ANKRD28: variants seen among roughly 807,000 people sequenced by gnomAD.
The protein encoded by ANKRD28 is serine/threonine-protein phosphatase 6 regulatory ankyrin repeat subunit A.
Under a neutral mutation model 126.5 loss-of-function variants are expected in ANKRD28, and 44 were observed. The observed-to-expected ratio is 0.35, with a 90% CI of 0.27 to 0.45. The LOEUF is 0.45. ANKRD28 is among the 20% of genes least tolerant of loss of function. The probability of loss-of-function intolerance (pLI) is 1.00; values close to 1 mark genes in which losing one functional copy is unlikely to be tolerated. For missense variants in ANKRD28, 1,110 were observed against 1,316.6 expected, an observed-to-expected ratio of 0.84 and a Z score of 2.43; for synonymous variants, 442 against 468.5, an observed-to-expected ratio of 0.94 and a Z score of 0.73.
chr3:15,766,492 C>T (rs1001768343), intron 2 of ANKRD28, among the ~76,000 whole-genome samples, 180 bp from the exon 3 acceptor site: 2 of 151,968 alleles, frequency 1.3e-5, no homozygotes, highest in Non-Finnish European at 2.9e-5. Context: ...GTGACAAGCC[C>T]GGGCAACACA....
intron 7 of ANKRD28, among the ~76,000 whole-genome samples, chr3:15,721,996 C>G (rs1021215510): frequency 6.6e-6 from 1 of 152,142 alleles, no homozygotes; most frequent in South Asian, 2.1e-4. Flanking sequence ...CCACCGGCCT[C>G]GGCCTCCCAA....
At position 15,845,563 on chromosome 3, in the gene ANKRD28, A is replaced by G. The variant is rs1248253165; in HGVS notation, c.27+13814T>C. 1.3e-5 allele frequency among the ~76,000 whole-genome samples: 2 copies of G among 152,176 alleles called. No individual in the cohort carries two copies. Among genetic ancestry groups the G allele is most frequent in the African/African-American group, 4.8e-5 (2 of 41,426 alleles). ...TTATTAGATCTACTTGACTAATACC[A>G]CACTTGCTATTCTATCTGGTTTCAA... On this transcript the variant is annotated intron_variant, in intron 1 of 27. Coordinates refer to the ANKRD28 transcript ENST00000399451. The surrounding 1 kb of genome is among the most constrained non-coding windows in gnomAD (Gnocchi z 4.9).
intron 1 of ANKRD28, among the ~76,000 whole-genome samples, chr3:15,840,973 T>G (rs1176194508): frequency 6.6e-6 from 1 of 152,064 alleles, no homozygotes; most frequent in Non-Finnish European, 1.5e-5. Flanking sequence ...AAACACTGTC[T>G]CTACTACAAA....
chr3:15,846,641 T>C lies in ANKRD28; in HGVS notation c.27+12736A>G, dbSNP rs763769145. 2.6e-5 allele frequency among the ~76,000 whole-genome samples: 4 copies of C among 152,372 alleles called. No homozygotes were observed. Among genetic ancestry groups the C allele is most frequent in the South Asian group, 2.1e-4 (1 of 4,828 alleles). On this transcript the variant is annotated intron_variant, in intron 1 of 27. Coordinates refer to the ANKRD28 transcript ENST00000399451. This position sits in a 1 kb window ranked among gnomAD's most constrained non-coding sequence, Gnocchi z 5.4. The stretch of plus-strand genomic sequence containing the variant: ...ATTAAAGTAATAGTGGATGCTGTAA[T>C]GGATAAATCCCAAATTATCACATAA...
Position 15,838,769 on chromosome 3 carries a change from G to A in ANKRD28, c.27+20608C>T, listed in dbSNP as rs1051001645. Reference sequence around the variant, plus strand: ...GTCTCAAAAAAAAAAAAAAATCTTCGCAAGAGAAGTTAAAACGTGTCCATA... The same window carrying A: ...GTCTCAAAAAAAAAAAAAAATCTTCACAAGAGAAGTTAAAACGTGTCCATA... On this transcript the variant is annotated intron_variant, in intron 1 of 27. Coordinates refer to the ANKRD28 transcript ENST00000399451. This position sits in a 1 kb window ranked among gnomAD's most constrained non-coding sequence, Gnocchi z 4.0. 3.3e-5 allele frequency among the ~76,000 whole-genome samples: 5 copies of A among 151,574 alleles called. No individual in the cohort carries two copies. Among genetic ancestry groups the A allele is most frequent in the Non-Finnish European group, 7.4e-5 (5 of 67,898 alleles).
rs1171447478 is a variant in ANKRD28, at chr3:15,833,647, C to G, written c.27+25730G>C. Among the ~76,000 whole-genome samples the G allele has an allele frequency of 1.1e-4, 17 of 151,186 alleles. No individual in the cohort carries two copies. The highest frequency in any genetic ancestry group is 1.1e-3 in the Admixed American group (17 of 15,168). The stretch of plus-strand genomic sequence containing the variant: ...TGGCAACATCTGTTGTTTTTTTGAC[C>G]TTTTAATAGTAACTAACCATTCTGA... On this transcript the variant is annotated intron_variant, in intron 1 of 27. Transcript: ENST00000399451. This position sits in a 1 kb window ranked among gnomAD's most constrained non-coding sequence, Gnocchi z 4.4.
chr3:15,791,169 G>A (rs552394894), intron 2 of ANKRD28, among the ~76,000 whole-genome samples: 1 of 152,152 alleles, frequency 6.6e-6, no homozygotes, highest in East Asian at 1.9e-4. Flanking sequence ...CATGGATTGG[G>A]ATGAATCAAC....
At chr3:15,728,854 T>G (rs1376977583) in intron 6 of ANKRD28, among the ~76,000 whole-genome samples, 2 of 152,236 alleles carry the variant, frequency 1.3e-5, no homozygotes, top group Non-Finnish European at 2.9e-5. Flanking sequence ...ATTGTAACCA[T>G]GAGGAAAGGG....
At chr3:15,831,399 T>C (rs1209244906) in intron 1 of ANKRD28, among the ~76,000 whole-genome samples, 3 of 152,200 alleles carry the variant, frequency 2.0e-5, no homozygotes, top group Non-Finnish European at 4.4e-5. Context: ...CAGCTTGTTT[T>C]AGAGCAGGGA....
chr3:15,714,444 A>T, intron 9 of ANKRD28, 134 bp downstream of exon 9: 1 of 651,210 alleles, frequency 1.5e-6, no homozygotes, highest in Non-Finnish European at 2.5e-6. Flanking sequence ...TATTTTCATG[A>T]GCTCTGAAAT....
intron 2 of ANKRD28, among the ~76,000 whole-genome samples, chr3:15,790,893 A>C (rs2059995144): frequency 1.3e-5 from 2 of 152,082 alleles, no homozygotes; most frequent in African/African-American, 4.8e-5. Flanking sequence ...GAAAAACCTA[A>C]ACATTCCACA....
intron 7 of ANKRD28, 85 bp from the exon 8 acceptor site, chr3:15,721,212 A>T (rs962186142): frequency 1.8e-6 from 2 of 1,095,040 alleles, no homozygotes; most frequent in Non-Finnish European, 2.7e-6. Context: ...CTGTGGTTGC[A>T]ATCAAATTAC....
chr3:15,733,970 T>C (rs2074837512), intron 6 of ANKRD28, among the ~76,000 whole-genome samples: 1 of 152,196 alleles, frequency 6.6e-6, no homozygotes, highest in Non-Finnish European at 1.5e-5. Context: ...AAAGAGTGTA[T>C]TATAACTGGT....
intron 15 of ANKRD28, among the ~76,000 whole-genome samples, 180 bp from the exon 16 acceptor site, chr3:15,695,394 G>A (rs1358739636): frequency 6.6e-6 from 1 of 151,996 alleles, no homozygotes; most frequent in Non-Finnish European, 1.5e-5. Flanking sequence ...TATATACATA[G>A]GTCTAAAATT....
intron 1 of ANKRD28, among the ~76,000 whole-genome samples, chr3:15,831,605 C>G (rs1489741057): frequency 6.6e-6 from 1 of 152,186 alleles, no homozygotes; most frequent in East Asian, 1.9e-4. Context: ...TTGAAAATCA[C>G]TGTTTCAGGA....
chr3:15,707,552 C>A (rs2071621942), intron 14 of ANKRD28, among the ~76,000 whole-genome samples: 1 of 152,208 alleles, frequency 6.6e-6, no homozygotes, highest in South Asian at 2.1e-4. Flanking sequence ...TCTACCCAAT[C>A]TTCTGATGAC....
At position 15,839,607 on chromosome 3, in the gene ANKRD28, T is replaced by C. The variant is rs536255639; in HGVS notation, c.27+19770A>G. Among the ~76,000 whole-genome samples the C allele has an allele frequency of 5.2e-4, 78 of 150,314 alleles. No individual in the cohort carries two copies. Among genetic ancestry groups the C allele is most frequent in the African/African-American group, 1.8e-3 (74 of 40,888 alleles). ...GACACATTAAAAAAAAAGAAAACGA[T>C]AGGCCAATATCACTGAGTAATATTG... On this transcript the variant is annotated intron_variant, in intron 1 of 27. Transcript: ENST00000399451. The surrounding 1 kb of genome is among the most constrained non-coding windows in gnomAD (Gnocchi z 4.3).
At chr3:15,712,032 T>C in intron 11 of ANKRD28, 108 bp downstream of exon 11, 1 of 826,140 alleles carries the variant, frequency 1.2e-6, no homozygotes, top group South Asian at 1.6e-5. Context: ...TATTAAATTA[T>C]CCATACTGGA....
At position 15,846,458 on chromosome 3, in the gene ANKRD28, C is replaced by T. The variant is rs954489784; in HGVS notation, c.27+12919G>A. ...CTGTGGCTCTGCAGGGTAAAGCCCC[C>T]GAGGCTGCTTTCACAAACACAATAT... On this transcript the variant is annotated intron_variant, in intron 1 of 27. Transcript: ENST00000399451. The surrounding 1 kb of genome is among the most constrained non-coding windows in gnomAD (Gnocchi z 5.4). 2.6e-5 allele frequency among the ~76,000 whole-genome samples: 4 copies of T among 152,176 alleles called. No individual in the cohort carries two copies. The highest frequency in any genetic ancestry group is 4.4e-5 in the Non-Finnish European group (3 of 68,032).
Sources: allele counts gnomAD v4.1 joint callset (sites outside exome capture counted in the v4.1 genomes callset), GRCh38; gene constraint gnomAD v4.1.1; non-coding constraint Gnocchi (gnomAD v3.1); transcripts MANE v1.5; gene names NCBI Gene and HGNC (gene_info 2026-07-23, HGNC 2026-07-21).